The following PARD3B variants were observed in gnomAD, a reference collection of about 807,000 sequenced individuals.
PARD3B encodes par-3 family cell polarity regulator beta.
PARD3B carries 103 observed loss-of-function variants against 130.2 expected under a neutral mutation model. That is an observed-to-expected ratio of 0.79 (90% CI 0.67 to 0.93). PARD3B has a LOEUF of 0.93. PARD3B is among the 40% of genes least tolerant of loss of function. The pLI is 0.00. For synonymous variants in PARD3B, 583 were observed against 553.2 expected (o/e 1.05, Z -0.76); for missense variants, 1,609 against 1,499.2 (o/e 1.07, Z -1.21).
rs12622352 is a variant in PARD3B, at chr2:205,292,881, A to C, written c.2186-7649A>C. On this transcript the variant is annotated intron_variant, in intron 16 of 22. Coordinates refer to ENST00000406610, the MANE Select transcript of PARD3B (RefSeq NM_001302769.2). This position sits in a 1 kb window ranked among gnomAD's most constrained non-coding sequence, Gnocchi z 5.3. Reference sequence around the variant, plus strand: ...AGGACCAAGCACAGTTATGAGCCACAAAAAATACCCAGTAAATAATTGTCA... The same window carrying C: ...AGGACCAAGCACAGTTATGAGCCACCAAAAATACCCAGTAAATAATTGTCA... Among the ~76,000 whole-genome samples, 36,031 of 152,142 alleles carry C rather than the reference A, an allele frequency of 0.24. 5,426 individuals carry two copies. Among genetic ancestry groups the C allele is most frequent in the South Asian group, 0.4 (1,922 of 4,824 alleles).
intron 20 of PARD3B, among the ~76,000 whole-genome samples, chr2:205,497,681 G>T (rs992537694): frequency 9.9e-5 from 15 of 151,862 alleles, no homozygotes; most frequent in African/African-American, 3.6e-4. Context: ...ACTCACACAA[G>T]AGAGAAGATA....
At chr2:205,036,671 CA>C (rs1489192272) in intron 3 of PARD3B, among the ~76,000 whole-genome samples, 1 of 138,514 alleles carries the variant, frequency 7.2e-6, no homozygotes, top group East Asian at 2.1e-4. Context: ...ACTGTATGTA[CA>C]AAAAATATAT....
intron 21 of PARD3B, among the ~76,000 whole-genome samples, chr2:205,509,129 C>G (rs889733395): frequency 6.6e-6 from 1 of 151,968 alleles, no homozygotes; most frequent in African/African-American, 2.4e-5. Context: ...AAGGAAGCAA[C>G]ATGTTTACAG....
chr2:205,248,660 G>A (rs1182102300), intron 16 of PARD3B, among the ~76,000 whole-genome samples: 6 of 134,610 alleles, frequency 4.5e-5, no homozygotes, highest in East Asian at 2.2e-4. Flanking sequence ...AGGCTGGAGT[G>A]CAGTGGCGCG....
At chr2:205,424,181 T>C (rs1459240509) in intron 19 of PARD3B, among the ~76,000 whole-genome samples, 1 of 152,184 alleles carries the variant, frequency 6.6e-6, no homozygotes, top group African/African-American at 2.4e-5. Context: ...GACTGTACCC[T>C]CTGTGTCTTT....
At chr2:205,517,882 A>C (rs1214527356) in intron 21 of PARD3B, among the ~76,000 whole-genome samples, 1 of 151,986 alleles carries the variant, frequency 6.6e-6, no homozygotes, top group East Asian at 1.9e-4. Context: ...TATCCATCTA[A>C]TTGCAAGTTT....
intron 2 of PARD3B, among the ~76,000 whole-genome samples, chr2:204,864,402 A>G (rs2045329589): frequency 1.3e-5 from 2 of 152,232 alleles, no homozygotes; most frequent in South Asian, 4.1e-4. Context: ...CCTCCTTTTG[A>G]CTCAGCATGT....
intron 21 of PARD3B, among the ~76,000 whole-genome samples, chr2:205,545,524 C>A (rs1294778128): frequency 1.3e-5 from 2 of 152,116 alleles, no homozygotes; most frequent in Non-Finnish European, 2.9e-5. Flanking sequence ...ATGTGTCTGG[C>A]AGCATGAAAC....
At chr2:204,871,186 T>C (rs2045617080) in intron 2 of PARD3B, among the ~76,000 whole-genome samples, 1 of 152,186 alleles carries the variant, frequency 6.6e-6, no homozygotes. Flanking sequence ...AGTATTTTAC[T>C]GCATATTTTT....
At chr2:205,356,540 T>A (rs898579776) in intron 18 of PARD3B, among the ~76,000 whole-genome samples, 1 of 152,052 alleles carries the variant, frequency 6.6e-6, no homozygotes, top group African/African-American at 2.4e-5. Context: ...GATTATTTTT[T>A]AAATTGATTT....
chr2:204,817,037 C>A (rs1471089076), intron 2 of PARD3B, among the ~76,000 whole-genome samples: 1 of 152,058 alleles, frequency 6.6e-6, no homozygotes, highest in East Asian at 1.9e-4. Context: ...CATTTTTCAT[C>A]CAACACATTG....
At chr2:204,855,208 C>G (rs570117184) in intron 2 of PARD3B, among the ~76,000 whole-genome samples, 1 of 152,046 alleles carries the variant, frequency 6.6e-6, no homozygotes, top group Admixed American at 6.6e-5. Context: ...CCACAGTGCA[C>G]GACTCTAAAA....
At chr2:205,571,066 T>C (rs1362489050) in intron 22 of PARD3B, among the ~76,000 whole-genome samples, 1 of 152,232 alleles carries the variant, frequency 6.6e-6, no homozygotes, top group Non-Finnish European at 1.5e-5. Flanking sequence ...CAACAGTTGA[T>C]ATTTGAAAAG....
chr2:205,491,641 T>G lies in PARD3B; in HGVS notation c.3045-8255T>G, dbSNP rs1194266238. 2.0e-5 allele frequency among the ~76,000 whole-genome samples: 3 copies of G among 152,130 alleles called. No homozygotes were observed. The East Asian group carries it at 5.8e-4, about 29-fold the overall frequency. On this transcript the variant is annotated intron_variant, in intron 20 of 22. Transcript: ENST00000406610. ...TTCTTTATGCTCCACCACTATGGCTTGATTCATTGGGTCAAGGTCCAGCCC... is the reference window on the plus strand; with the variant it reads ...TTCTTTATGCTCCACCACTATGGCTGGATTCATTGGGTCAAGGTCCAGCCC...
At chr2:204,958,992 G>C (rs1298945955) in intron 2 of PARD3B, among the ~76,000 whole-genome samples, 1 of 152,098 alleles carries the variant, frequency 6.6e-6, no homozygotes, top group East Asian at 1.9e-4. Flanking sequence ...TAAGTTCTGG[G>C]ATACATGTGC....
rs141740008 is a variant in PARD3B, at chr2:205,521,088, T to A, written c.3180+21057T>A. On this transcript the variant is annotated intron_variant, in intron 21 of 22. Coordinates refer to ENST00000406610, the MANE Select transcript of PARD3B (RefSeq NM_001302769.2). ...TCCTATGAAAGTTGTTAAGTTTATA[T>A]TCTTGCCAGCAGCATATTCATTAAT... is the stretch of plus-strand genomic sequence containing the variant. Among the ~76,000 whole-genome samples, 94 of 151,816 alleles carry A rather than the reference T, an allele frequency of 6.2e-4. No individual in the cohort carries two copies. In the Middle Eastern group the frequency reaches 0.014, roughly 22 times the overall value.
intron 3 of PARD3B, among the ~76,000 whole-genome samples, chr2:205,043,538 C>T (rs1171171655): frequency 3.9e-5 from 6 of 152,172 alleles, no homozygotes; most frequent in Admixed American, 3.9e-4. Flanking sequence ...TGACACATGA[C>T]AGTTAGCAGT....
intron 10 of PARD3B, among the ~76,000 whole-genome samples, chr2:205,148,734 T>TAA (rs111894211): frequency 1.4e-5 from 2 of 147,968 alleles, no homozygotes; most frequent in African/African-American, 4.9e-5. Flanking sequence ...ATTCTTTTTT[T>TAA]AAAAAAAAAA....
chr2:205,297,222 C>G (rs745774959), intron 16 of PARD3B, among the ~76,000 whole-genome samples: 2 of 152,010 alleles, frequency 1.3e-5, no homozygotes, highest in Non-Finnish European at 2.9e-5. Context: ...TGCTAAATTA[C>G]TCACTTGAAA....
Sources: allele counts gnomAD v4.1 joint callset (sites outside exome capture counted in the v4.1 genomes callset), GRCh38; gene constraint gnomAD v4.1.1; non-coding constraint Gnocchi (gnomAD v3.1); transcripts MANE v1.5; gene names NCBI Gene and HGNC (gene_info 2026-07-23, HGNC 2026-07-21).